CCT5: variants seen among roughly 807,000 people sequenced by gnomAD.
CCT5 encodes the protein chaperonin containing TCP1 subunit 5.
Under a neutral mutation model 55.0 loss-of-function variants are expected in CCT5, and 6 were observed. The ratio of observed to expected loss-of-function variants is 0.11; its 90% CI spans 0.06 to 0.22. CCT5 has a LOEUF of 0.22. Among genes scored for constraint, CCT5 ranks in the 10% least tolerant of loss-of-function variants. The pLI, the probability that CCT5 is intolerant of heterozygous loss-of-function variation, is 1.00. For synonymous variants in CCT5, 231 were observed against 243.7 expected (o/e 0.95, Z 0.49); for missense variants, 560 against 694.6 (o/e 0.81, Z 2.18).
At chr5:10,251,496 C>T (rs1745411201) in intron 1 of CCT5, among the ~76,000 whole-genome samples, 1 of 152,086 alleles carries the variant, frequency 6.6e-6, no homozygotes, top group African/African-American at 2.4e-5. Context: ...ATAGACCATT[C>T]CACTAGGTCT....
In CCT5 at chr5:10,250,449, A is replaced by G; in HGVS notation, c.105+4A>G. On this transcript the variant is annotated splice_donor_region_variant and intron_variant, in intron 1 of 10. Transcript: ENST00000280326. ...TATGGGACTTGAGGCCCTCAAGGTA[A>G]TGGCACAGGGACCTGCTCGCGGTGG... 2 of 1,612,710 alleles carry G rather than the reference A, an allele frequency of 1.2e-6. No homozygotes were observed. The highest frequency in any genetic ancestry group is 1.7e-6 in the Non-Finnish European group (2 of 1,179,936).
rs1377434629 is a variant in CCT5 at position 10,264,728 on chromosome 5, T to C, written c.1571T>C (p.Val524Ala). 6.2e-7 allele frequency: 1 copy of C among 1,613,574 alleles called. No homozygotes were observed. Among genetic ancestry groups the C allele is most frequent in the Non-Finnish European group, 8.5e-7 (1 of 1,179,626 alleles). ...KQQISLATQM[V>A]RMILKIDDIR... is the part of the protein sequence containing the mutation. ...CAGATATCTCTTGCAACACAAATGG[T>C]TAGAATGATTTTGAAGATTGATGAC... The change falls in exon 11 of 11, where the codon GTT (valine) becomes GCT (alanine). Residue 524 changes from valine (V) to alanine (A), a missense_variant. Coordinates refer to ENST00000280326, the MANE Select transcript of CCT5 (RefSeq NM_012073.5).
At chr5:10,249,924 AAAAAAAAAAAC>A (rs755912003), upstream of CCT5, 64,420 of 1,149,912 alleles carry the variant, frequency 0.056, 3,189 homozygotes, top group East Asian at 0.32. Context: ...AAAAAAAAAA[AAAAAAAAAAAC>A]CGGAAATGGG....
intron 7 of CCT5, 108 bp from the exon 8 acceptor site, chr5:10,261,452 C>G: frequency 9.9e-7 from 1 of 1,010,568 alleles, no homozygotes; most frequent in Non-Finnish European, 1.6e-6. Flanking sequence ...GGCAGCAGTT[C>G]TAGTGAACAA....
chr5:10,254,367 AATC>A, intron 2 of CCT5, 162 bp downstream of exon 2: 1 of 644,150 alleles, frequency 1.6e-6, no homozygotes, highest in East Asian at 2.7e-5. Context: ...ACATGGTTAT[AATC>A]GTGTGCAATA....
chr5:10,251,242 T>TA (rs1337916447), intron 1 of CCT5, among the ~76,000 whole-genome samples: 1 of 152,142 alleles, frequency 6.6e-6, no homozygotes, highest in Non-Finnish European at 1.5e-5. Flanking sequence ...ACATGGAAAA[T>TA]ACGACGTTAT....
Position 10,264,791 on chromosome 5 carries a change from G to T in CCT5, c.*8G>T. On this transcript the variant is annotated 3_prime_UTR_variant, in exon 11 of 11. Coordinates refer to ENST00000280326, the MANE Select transcript of CCT5 (RefSeq NM_012073.5). Reference sequence around the variant, plus strand: ...GGAGAATCTGAAGAATGAAGACATTGAGAAAACTATGTAGCAAGATCCACT... The same window carrying T: ...GGAGAATCTGAAGAATGAAGACATTTAGAAAACTATGTAGCAAGATCCACT... 1.2e-6 allele frequency: 2 copies of T among 1,611,516 alleles called. No homozygotes were observed. The highest frequency in any genetic ancestry group is 1.7e-6 in the Non-Finnish European group (2 of 1,177,656).
In CCT5 at chr5:10,256,028, T is replaced by C. The variant is rs975780231; in HGVS notation, c.405T>C (p.Asp135=). The part of the protein sequence containing the change: ...DRGIHPIRIA[D]GYEQAARVAI... ...GCATTCACCCAATCAGAATAGCCGA[T>C]GGCTATGAGCAGGCTGCTCGTGTTG... Residue 135 remains aspartate (D), a synonymous_variant, in exon 4 of 11, where the codon GAT becomes GAC. Transcript: ENST00000280326. 15 of 1,613,832 alleles carry C rather than the reference T, an allele frequency of 9.3e-6. No individual in the cohort carries two copies. Among genetic ancestry groups the C allele is most frequent in the Non-Finnish European group, 1.2e-5 (14 of 1,179,674 alleles).
chr5:10,258,141 G>C lies in CCT5; in HGVS notation c.561G>C (p.Glu187Asp). Residue 187 changes from glutamate to aspartate, a missense_variant, in exon 5 of 11, where the codon GAG becomes GAC. By Grantham distance (45) the Glu-to-Asp change is conservative. This residue lies in a region of CCT5 where 256 missense variants were observed against 372.4 expected (regional missense o/e 0.69). Coordinates refer to ENST00000280326, the MANE Select transcript of CCT5 (RefSeq NM_012073.5). Reference sequence around the variant, plus strand: ...ACAGTTGTCACCGACAGATGGCTGAGATTGCTGTGAATGCCGTCCTCACTG... The same window carrying C: ...ACAGTTGTCACCGACAGATGGCTGACATTGCTGTGAATGCCGTCCTCACTG... ...VVNSCHRQMAEIAVNAVLTVA... is the reference protein window; with the variant it reads ...VVNSCHRQMADIAVNAVLTVA... The C allele has an allele frequency of 6.2e-7, 1 of 1,614,240 alleles. No individual in the cohort carries two copies. The highest frequency in any genetic ancestry group is 8.5e-7 in the Non-Finnish European group (1 of 1,180,030).
At chr5:10,264,377 A>G (rs767676111) in intron 10 of CCT5, among the ~76,000 whole-genome samples, 1 of 152,216 alleles carries the variant, frequency 6.6e-6, no homozygotes, top group East Asian at 1.9e-4. Context: ...ACTTTGTGGG[A>G]TAAGATGTTC....
rs1017855008 is a variant in CCT5, at chr5:10,266,385, C to T, written c.*1602C>T. On this transcript the variant is annotated 3_prime_UTR_variant, in exon 11 of 11. Transcript: ENST00000280326. ...ATTTATTTGTAATAAACCTCTTCCACGTGATGTCTTTTATTTTTCACGTTC... is the reference window on the plus strand; with the variant it reads ...ATTTATTTGTAATAAACCTCTTCCATGTGATGTCTTTTATTTTTCACGTTC... 6.6e-5 allele frequency: 10 copies of T among 152,202 alleles called. No individual in the cohort carries two copies. The highest frequency in any genetic ancestry group is 2.4e-4 in the African/African-American group (10 of 41,440). 9.4% of individuals were successfully genotyped at this position (152,202 alleles called of 1,614,324 possible).
At chr5:10,250,528 G>A (rs1745326510) in intron 1 of CCT5, 83 bp downstream of exon 1, 2 of 1,576,406 alleles carry the variant, frequency 1.3e-6, no homozygotes, top group Non-Finnish European at 1.7e-6. Context: ...GTTGAGGAGC[G>A]GCTCTGCCAT....
intron 6 of CCT5, 90 bp downstream of exon 6, chr5:10,258,625 C>T: frequency 8.1e-7 from 1 of 1,228,920 alleles, no homozygotes; most frequent in Admixed American, 1.7e-5. Context: ...AGTCTTTCTT[C>T]AGTTCTAAAA....
chr5:10,253,502 T>C (rs768163399), intron 1 of CCT5, among the ~76,000 whole-genome samples: 4 of 152,196 alleles, frequency 2.6e-5, no homozygotes, highest in Non-Finnish European at 5.9e-5. Context: ...TCCTCCTGCC[T>C]CAGCCTCCCA....
chr5:10,255,070 G>T, intron 3 of CCT5: 2 of 544,568 alleles, frequency 3.7e-6, no homozygotes, highest in South Asian at 2.0e-5. Flanking sequence ...TGATTGATTG[G>T]ACACTGATTT....
In CCT5 at chr5:10,264,970, A is replaced by C; in HGVS notation, c.*187A>C. 1.6e-6 allele frequency: 1 copy of C among 643,156 alleles called. No homozygotes were observed. The highest frequency in any genetic ancestry group is 2.9e-5 in the East Asian group (1 of 34,820). The allele number at this position is 643,156 out of a possible 1,614,324, so 39.8% of individuals were successfully genotyped here. ...TGTGTAATCGTGGGGGTACCATCTC[A>C]ACTGCTTTTGTATTCATTGTATTAA... On this transcript the variant is annotated 3_prime_UTR_variant, in exon 11 of 11. Transcript: ENST00000280326.
chr5:10,249,930 A>AAG, upstream of CCT5: 2 of 756,018 alleles, frequency 2.6e-6, no homozygotes, highest in South Asian at 3.4e-5. Context: ...AAAAAAAAAA[A>AAG]AAAACCGGAA....
chr5:10,261,147 C>G, intron 7 of CCT5: 1 of 557,752 alleles, frequency 1.8e-6, no homozygotes, highest in Non-Finnish European at 3.2e-6. Context: ...TCTCACTTGG[C>G]CCTGTCGTTG....
chr5:10,263,276 C>T lies in CCT5; in HGVS notation c.1460C>T (p.Pro487Leu). 6.2e-7 allele frequency: 1 copy of T among 1,614,198 alleles called. No homozygotes were observed. Among genetic ancestry groups the T allele is most frequent in the South Asian group, 1.1e-5 (1 of 91,082 alleles). The change falls in exon 10 of 11, where the codon CCT (proline) becomes CTT (leucine). Residue 487 changes from proline (P) to leucine (L), a missense_variant. Physicochemically the swap from Pro to Leu is moderately conservative, Grantham distance 98. Transcript: ENST00000280326. ...VRARQVKEMN[P>L]ALGIDCLHKG... ...GCCAGACAGGTGAAGGAGATGAACCCTGCTCTTGGCATCGACTGTTTGCAC... is the reference window on the plus strand; with the variant it reads ...GCCAGACAGGTGAAGGAGATGAACCTTGCTCTTGGCATCGACTGTTTGCAC...
Sources: gnomAD v4.1 joint callset for allele counts (sites outside exome capture counted in the v4.1 genomes callset) on GRCh38, gnomAD v4.1.1 for gene constraint, gnomAD v4.1.1 regional missense constraint, MANE v1.5 for transcripts, NCBI Gene and HGNC (gene_info 2026-07-23, HGNC 2026-07-21) for gene names.